Variants in SRRM3 observed in about 807,000 individuals in gnomAD.
The protein encoded by SRRM3 is serine/arginine repetitive matrix protein 3.
In SRRM3, 27 loss-of-function variants were observed where a neutral mutation model predicts 66.2. The observed-to-expected ratio is 0.41, with a 90% CI of 0.30 to 0.56. The LOEUF (loss-of-function observed/expected upper bound fraction) is 0.56. SRRM3 is among the 20% of genes least tolerant of loss of function. The pLI is 0.32. For synonymous variants in SRRM3, 391 were observed against 414.9 expected, an observed-to-expected ratio of 0.94 and a Z score of 0.70; for missense variants, 918 against 991.9, an observed-to-expected ratio of 0.93 and a Z score of 1.00.
chr7:76,246,399 A>T (rs1801440954), intron 2 of SRRM3, among the ~76,000 whole-genome samples: 1 of 151,928 alleles, frequency 6.6e-6, no homozygotes, highest in Non-Finnish European at 1.5e-5. Flanking sequence ...CCCCATCTCT[A>T]CTAAAAATAC....
At chr7:76,221,905 G>A (rs188376414) in intron 1 of SRRM3, among the ~76,000 whole-genome samples, 1 of 152,262 alleles carries the variant, frequency 6.6e-6, no homozygotes, top group Admixed American at 6.5e-5. Context: ...AGAGCTTATC[G>A]CCTACCCAGG....
At chr7:76,277,734 A>T (rs3973164) in intron 11 of SRRM3, among the ~76,000 whole-genome samples, 1 of 101,902 alleles carries the variant, frequency 9.8e-6, no homozygotes, top group Non-Finnish European at 2.1e-5. Flanking sequence ...AAAAAAAAAA[A>T]AGAGAGAGAG....
In SRRM3 at chr7:76,243,990, C is replaced by T. The variant is rs1303536963; in HGVS notation, c.234-4198C>T. Among the ~76,000 whole-genome samples the T allele has an allele frequency of 3.9e-5, 6 of 152,168 alleles. No individual in the cohort carries two copies. In the East Asian group the frequency reaches 1.2e-3, roughly 29 times the overall value. ...GACAAGGGACCTCCAGGTGAATGCCCGAGTCTGAGGGCCACACAGGGACTG... is the reference window on the plus strand; with the variant it reads ...GACAAGGGACCTCCAGGTGAATGCCTGAGTCTGAGGGCCACACAGGGACTG... On this transcript the variant is annotated intron_variant, in intron 2 of 14. Transcript: ENST00000611745.
intron 3 of SRRM3, among the ~76,000 whole-genome samples, chr7:76,255,245 G>A (rs1397596989): frequency 6.8e-6 from 1 of 146,850 alleles, no homozygotes; most frequent in Non-Finnish European, 1.5e-5. Flanking sequence ...CGCCTCCTGG[G>A]TTCAAGCGAT....
intron 2 of SRRM3, among the ~76,000 whole-genome samples, chr7:76,236,078 C>T (rs1470453732): frequency 1.4e-5 from 2 of 147,574 alleles, no homozygotes; most frequent in Non-Finnish European, 3.0e-5. Flanking sequence ...TTTGGGAGGC[C>T]GAGGCGGGTG....
At chr7:76,260,992 C>T (rs1801848627) in intron 6 of SRRM3, 89 bp downstream of exon 6, 4 of 1,427,980 alleles carry the variant, frequency 2.8e-6, no homozygotes, top group Non-Finnish European at 3.8e-6. Flanking sequence ...GGCCGGAGGC[C>T]TGGACCCTCA....
chr7:76,206,941 A>G (rs1245196408), intron 1 of SRRM3, among the ~76,000 whole-genome samples: 1 of 152,042 alleles, frequency 6.6e-6, no homozygotes, highest in Non-Finnish European at 1.5e-5. Flanking sequence ...GGCCTGACCC[A>G]TTTACTCAGA....
Position 76,259,939 on chromosome 7 carries a change from T to A in SRRM3, c.369T>A (p.Ala123=). ...VAETPRLTEG[A]EPGLEYAPFD... is the part of the protein sequence containing the mutation. ...AGACCCCGCGGCTGACCGAGGGCGC[T>A]GAGCCGGGCCTGGAGTACGCGCCCT... Residue 123 remains alanine, a synonymous_variant, in exon 4 of 15, where the codon GCT becomes GCA. Transcript: ENST00000611745. 1.9e-6 allele frequency: 3 copies of A among 1,601,944 alleles called. No individual in the cohort carries two copies. The highest frequency in any genetic ancestry group is 2.5e-6 in the Non-Finnish European group (3 of 1,179,496).
At chr7:76,257,814 A>G (rs1554607957) in intron 3 of SRRM3, among the ~76,000 whole-genome samples, 2 of 152,076 alleles carry the variant, frequency 1.3e-5, no homozygotes, top group Non-Finnish European at 1.5e-5. Context: ...CACAGCACCT[A>G]TGACCTCAGC....
chr7:76,227,385 A>C lies in SRRM3; in HGVS notation c.-39-7643A>C, dbSNP rs148502547. Among the ~76,000 whole-genome samples, 1,158 of 152,274 alleles carry C rather than the reference A, an allele frequency of 7.6e-3. 7 individuals are homozygous for C. Among genetic ancestry groups the C allele is most frequent in the South Asian group, 0.021 (101 of 4,826 alleles). On this transcript the variant is annotated intron_variant, in intron 1 of 14. Transcript: ENST00000611745. ...CTCCAATTTGTTCTCCGTGTTCCCC[A>C]TCACAATAAATGGCTGCACCATCCA... is the stretch of plus-strand genomic sequence containing the variant.
chr7:76,276,309 G>A (rs1802347179), intron 11 of SRRM3, among the ~76,000 whole-genome samples: 1 of 152,128 alleles, frequency 6.6e-6, no homozygotes, highest in Non-Finnish European at 1.5e-5. Context: ...GAGAGAGGCA[G>A]GCAGACCTGG....
At chr7:76,247,961 C>G (rs1276958171) in intron 2 of SRRM3, among the ~76,000 whole-genome samples, 1 of 152,208 alleles carries the variant, frequency 6.6e-6, no homozygotes, top group Non-Finnish European at 1.5e-5. Context: ...ACCCAAAGTG[C>G]TGGGATTACA....
Position 76,255,402 on chromosome 7 carries a change from G to A in SRRM3, c.336-4504G>A, listed in dbSNP as rs561530880. 2.6e-4 allele frequency among the ~76,000 whole-genome samples: 39 copies of A among 152,016 alleles called. No homozygotes were observed. In the East Asian group the frequency reaches 6.2e-3, roughly 24 times the overall value. ...GACCTCAGGTGATCCGCCCGCCTTCGCCTCCCAAAGTGCTGGGATTATAGG... is the reference window on the plus strand; with the variant it reads ...GACCTCAGGTGATCCGCCCGCCTTCACCTCCCAAAGTGCTGGGATTATAGG... On this transcript the variant is annotated intron_variant, in intron 3 of 14. Coordinates refer to ENST00000611745, the MANE Select transcript of SRRM3 (RefSeq NM_001110199.3).
intron 2 of SRRM3, among the ~76,000 whole-genome samples, chr7:76,242,349 G>A (rs1365308756): frequency 2.6e-5 from 4 of 152,086 alleles, no homozygotes; most frequent in African/African-American, 9.7e-5. Flanking sequence ...GCTGGGCGTG[G>A]GGGCGCATGC....
At chr7:76,258,494 C>G (rs192250296) in intron 3 of SRRM3, among the ~76,000 whole-genome samples, 1,654 of 151,216 alleles carry the variant, frequency 0.011, 15 homozygotes, top group Non-Finnish European at 0.018. Flanking sequence ...GTGGGTGGAT[C>G]ACAAGGTCAG....
intron 2 of SRRM3, among the ~76,000 whole-genome samples, chr7:76,235,770 C>T (rs1266369529): frequency 6.6e-6 from 1 of 151,716 alleles, no homozygotes; most frequent in Non-Finnish European, 1.5e-5. Flanking sequence ...CTTTGGGGGG[C>T]CTAGGCAGGT....
In SRRM3 at chr7:76,233,109, C is replaced by T. The variant is rs147799980; in HGVS notation, c.-39-1919C>T. Among the ~76,000 whole-genome samples the T allele has an allele frequency of 5.9e-5, 9 of 152,148 alleles. No homozygotes were observed. The East Asian group carries it at 1.7e-3, about 29-fold the overall frequency. On this transcript the variant is annotated intron_variant, in intron 1 of 14. Transcript: ENST00000611745. ...TTTGAAGCCAGGAATTCAAGACCAC[C>T]CTGGGCAAAATAACAAGAACGTGAC...
At chr7:76,267,183 A>C in intron 10 of SRRM3, 75 bp from the exon 11 acceptor site, 1 of 1,325,654 alleles carries the variant, frequency 7.5e-7, no homozygotes, top group Non-Finnish European at 9.9e-7. Flanking sequence ...GGGAAGGGGG[A>C]AAGAGGAGGC....
rs781936992 is a variant in SRRM3 at position 76,235,041 on chromosome 7, G to A, written c.-26G>A. 1.9e-6 allele frequency: 3 copies of A among 1,539,008 alleles called. No homozygotes were observed. The South Asian group carries it at 3.6e-5, about 19-fold the overall frequency. On this transcript the variant is annotated 5_prime_UTR_variant, in exon 2 of 15. Transcript: ENST00000611745. ...TCTGTCCCTCAGGGCCAGCGGCCCA[G>A]GCCAGCGGCTCCAGGGCCAGCCACG... is the stretch of plus-strand genomic sequence containing the variant.
Sources: allele counts gnomAD v4.1 joint callset (sites outside exome capture counted in the v4.1 genomes callset), GRCh38; gene constraint gnomAD v4.1.1; transcripts MANE v1.5; gene names NCBI Gene and HGNC (gene_info 2026-07-23, HGNC 2026-07-21).